Variants in IL22RA1 observed in about 807,000 individuals in gnomAD.
IL22RA1 encodes the protein interleukin 22 receptor subunit alpha 1.
Under a neutral mutation model 32.8 loss-of-function variants are expected in IL22RA1, and 25 were observed. The ratio of observed to expected loss-of-function variants is 0.76; its 90% CI spans 0.55 to 1.06. IL22RA1 has a LOEUF of 1.06. IL22RA1 is among the 50% of genes least tolerant of loss of function. The pLI is 0.00. For missense variants in IL22RA1, 709 were observed against 727.4 expected, an observed-to-expected ratio of 0.97 and a Z score of 0.29; for synonymous variants, 305 against 305.0, an observed-to-expected ratio of 1.00 and a Z score of 0.00.
chr1:24,134,570 T>C (rs1644229405), intron 3 of IL22RA1, among the ~76,000 whole-genome samples, 184 bp from the exon 4 acceptor site: 1 of 152,156 alleles, frequency 6.6e-6, no homozygotes, highest in Non-Finnish European at 1.5e-5. Flanking sequence ...GCCCTGGTGT[T>C]TGGGTTTCAG....
intron 1 of IL22RA1, 134 bp downstream of exon 1, chr1:24,142,906 G>A: frequency 1.2e-6 from 1 of 840,028 alleles, no homozygotes; most frequent in Non-Finnish European, 2.0e-6. Context: ...TGAACACCCG[G>A]CACCCTGCTC....
At chr1:24,132,584 G>A (rs987717751) in intron 4 of IL22RA1, among the ~76,000 whole-genome samples, 5 of 151,794 alleles carry the variant, frequency 3.3e-5, no homozygotes, top group Non-Finnish European at 7.4e-5. Flanking sequence ...CGCCCGCCTC[G>A]GCCTCCCAAA....
chr1:24,129,854 A>G (rs993151380), intron 4 of IL22RA1, among the ~76,000 whole-genome samples: 4 of 152,202 alleles, frequency 2.6e-5, no homozygotes, highest in African/African-American at 9.7e-5. Context: ...GACACATTAC[A>G]TATCATGAGA....
Position 24,134,258 on chromosome 1 carries a change from C to G in IL22RA1, c.484G>C (p.Asp162His). 1 of 1,611,996 alleles carries G rather than the reference C, an allele frequency of 6.2e-7. No homozygotes were observed. Among genetic ancestry groups the G allele is most frequent in the African/African-American group, 1.3e-5 (1 of 74,778 alleles). The part of the protein sequence containing the change: ...HRLTLEDIFH[D>H]LFYHLELQVN... ...TGGAGCTCTAAGTGGTAGAACAGGT[C>G]ATGGAAGATGTCTTCCAGGGTTAGC... is the stretch of plus-strand genomic sequence containing the variant. The change falls in exon 4 of 7, where the codon GAC becomes CAC. Residue 162 changes from aspartate to histidine, a missense_variant. By Grantham distance (81) the Asp-to-His change is moderately conservative. Coordinates refer to ENST00000270800, the MANE Select transcript of IL22RA1 (RefSeq NM_021258.4).
chr1:24,122,631 C>T (rs1289071704), intron 6 of IL22RA1, among the ~76,000 whole-genome samples: 1 of 151,954 alleles, frequency 6.6e-6, no homozygotes. Flanking sequence ...CCCGTCTCTA[C>T]TAAAAATACA....
chr1:24,132,188 T>C (rs2148573157), intron 4 of IL22RA1, among the ~76,000 whole-genome samples: 1 of 152,266 alleles, frequency 6.6e-6, no homozygotes, highest in East Asian at 1.9e-4. Context: ...AGCGCCTGGG[T>C]TGCTCACTAA....
At position 24,143,097 on chromosome 1, in the gene IL22RA1, A is replaced by T; in HGVS notation, c.-15T>A. On this transcript the variant is annotated 5_prime_UTR_variant, in exon 1 of 7. Transcript: ENST00000270800. ...AGCGTCCTCATCGGGGCTGGCACAG[A>T]GCCCTCCCTTGGCCTCTACTCTGCC... is the stretch of plus-strand genomic sequence containing the variant. The T allele has an allele frequency of 6.3e-7, 1 of 1,597,562 alleles. No individual in the cohort carries two copies. The highest frequency in any genetic ancestry group is 8.5e-7 in the Non-Finnish European group (1 of 1,170,938).
rs774324807 is a variant in IL22RA1 at position 24,123,286 on chromosome 1, T to TG, written c.792+15dup. Reference sequence around the variant, plus strand: ...TCCCCTGGACCTCTCCCTCCCACCCTGGGGGGATGGCTCACCAGGGAGTTG... The same window carrying TG: ...TCCCCTGGACCTCTCCCTCCCACCCTGGGGGGGATGGCTCACCAGGGAGTTG... On this transcript the variant is annotated intron_variant, in intron 6 of 6. Coordinates refer to ENST00000270800, the MANE Select transcript of IL22RA1 (RefSeq NM_021258.4). 1.9e-6 allele frequency: 3 copies of TG among 1,612,234 alleles called. No individual in the cohort carries two copies. The South Asian group carries it at 3.3e-5, about 18-fold the overall frequency.
rs751421169 is a variant in IL22RA1, at chr1:24,120,772, C to A, written c.*33G>T. The A allele has an allele frequency of 2.6e-6, 4 of 1,546,844 alleles. No homozygotes were observed. In the South Asian group the frequency reaches 4.9e-5, roughly 19 times the overall value. ...CCAAGGATGTGACACTGGGTAGGGA[C>A]AGGGAGGAAGCACCAAGCCTTTCCC... On this transcript the variant is annotated 3_prime_UTR_variant, in exon 7 of 7. Coordinates refer to ENST00000270800, the MANE Select transcript of IL22RA1 (RefSeq NM_021258.4).
At chr1:24,130,111 T>C (rs1644194870) in intron 4 of IL22RA1, among the ~76,000 whole-genome samples, 1 of 152,168 alleles carries the variant, frequency 6.6e-6, no homozygotes, top group African/African-American at 2.4e-5. Flanking sequence ...GAAAACCAAC[T>C]ACTTAAAAGC....
At chr1:24,125,404 C>T (rs1178852784) in intron 5 of IL22RA1, among the ~76,000 whole-genome samples, 2 of 152,152 alleles carry the variant, frequency 1.3e-5, no homozygotes, top group Non-Finnish European at 2.9e-5. Flanking sequence ...GTGAGGTGGC[C>T]CTTAGAGCCT....
chr1:24,140,389 C>T (rs1016186810), intron 1 of IL22RA1, among the ~76,000 whole-genome samples: 6 of 152,246 alleles, frequency 3.9e-5, no homozygotes, highest in East Asian at 1.9e-4. Context: ...GGAAGACATT[C>T]GCTCTGTAGG....
intron 1 of IL22RA1, 81 bp downstream of exon 1, chr1:24,142,959 G>T: frequency 7.5e-7 from 1 of 1,342,010 alleles, no homozygotes. Context: ...TGCTCGGGCT[G>T]GGGAGGGTGC....
At chr1:24,127,557 C>A (rs1294282006) in intron 5 of IL22RA1, among the ~76,000 whole-genome samples, 2 of 152,184 alleles carry the variant, frequency 1.3e-5, no homozygotes, top group East Asian at 1.9e-4. Context: ...AAGTGATCCT[C>A]CTGCCTTGGC....
chr1:24,139,814 G>A (rs1374424808), intron 1 of IL22RA1, among the ~76,000 whole-genome samples: 1 of 152,128 alleles, frequency 6.6e-6, no homozygotes, highest in East Asian at 1.9e-4. Flanking sequence ...TCTCCACATC[G>A]CCATTGATGC....
rs546020663 is a variant in IL22RA1 at position 24,121,354 on chromosome 1, A to G, written c.1176T>C (p.Pro392=). The change falls in exon 7 of 7, where the codon CCT becomes CCC. Residue 392 remains proline, a synonymous_variant. Coordinates refer to ENST00000270800, the MANE Select transcript of IL22RA1 (RefSeq NM_021258.4). ...ISKVQPSSYA[P]QATPDSWPPS... is the part of the protein sequence containing the mutation. ...GAGGCCAGCTGTCCGGAGTGGCTTG[A>G]GGGGCATAGGAGGAAGGCTGGACCT... 1.3e-6 allele frequency: 2 copies of G among 1,591,328 alleles called. No homozygotes were observed. The highest frequency in any genetic ancestry group is 2.3e-5 in the South Asian group (2 of 87,542).
At chr1:24,125,094 C>T in intron 5 of IL22RA1, among the ~76,000 whole-genome samples, 1 of 152,092 alleles carries the variant, frequency 6.6e-6, no homozygotes, top group East Asian at 1.9e-4. Context: ...CCTCTCTGGT[C>T]TACCCTTTAA....
chr1:24,129,893 T>G lies in IL22RA1; in HGVS notation c.532-1614A>C, dbSNP rs562600211. 3.0e-4 allele frequency among the ~76,000 whole-genome samples: 46 copies of G among 152,324 alleles called. No homozygotes were observed. In the South Asian group the frequency reaches 3.9e-3, roughly 13 times the overall value. ...AACTCCAGGAGAGTTGCCAAGGCCC[T>G]GATTCCTCCTTTCCCAAGTTTTTCA... On this transcript the variant is annotated intron_variant, in intron 4 of 6. Transcript: ENST00000270800.
intron 1 of IL22RA1, among the ~76,000 whole-genome samples, chr1:24,142,461 C>A (rs919259197): frequency 6.6e-6 from 1 of 152,200 alleles, no homozygotes; most frequent in African/African-American, 2.4e-5. Context: ...GCCCTTAAGA[C>A]CTGTTTCCAA....
Sources: allele counts gnomAD v4.1 joint callset (sites outside exome capture counted in the v4.1 genomes callset), GRCh38; gene constraint gnomAD v4.1.1; transcripts MANE v1.5; gene names NCBI Gene and HGNC (gene_info 2026-07-23, HGNC 2026-07-21).